The following TXNRD2 variants were observed in gnomAD, a reference collection of about 807,000 sequenced individuals.
The protein encoded by TXNRD2 is thioredoxin reductase 2, mitochondrial.
In TXNRD2, 67 loss-of-function variants were observed where a neutral mutation model predicts 70.8. The observed-to-expected ratio is 0.95, with a 90% CI of 0.78 to 1.16. TXNRD2 has a LOEUF of 1.16. Among genes scored for constraint, TXNRD2 ranks in the 50% most tolerant of loss-of-function variants. The pLI, the probability that TXNRD2 is intolerant of heterozygous loss-of-function variation, is 0.00. For synonymous variants in TXNRD2, 301 were observed against 295.8 expected (o/e 1.02, Z -0.18); for missense variants, 644 against 719.9 (o/e 0.89, Z 1.21).
At chr22:19,918,267 G>A (rs1037545744) in intron 4 of TXNRD2, 50 bp from the exon 5 acceptor site, 8 of 1,485,874 alleles carry the variant, frequency 5.4e-6, no homozygotes, top group South Asian at 2.3e-5. Flanking sequence ...GGTGTTAGCT[G>A]CAGGGCCTCA....
chr22:19,894,714 G>A (rs1939416691), intron 11 of TXNRD2: 2 of 222,820 alleles, frequency 9.0e-6, no homozygotes, highest in South Asian at 1.1e-4. Flanking sequence ...TACTGGCCAG[G>A]TGCGGTGGCT....
chr22:19,910,380 T>C (rs1311449562), intron 8 of TXNRD2, among the ~76,000 whole-genome samples: 2 of 152,156 alleles, frequency 1.3e-5, no homozygotes, highest in East Asian at 1.9e-4. Context: ...GTGAGGGTGT[T>C]AGATGAGGGC....
At chr22:19,932,476 A>G (rs901484952) in intron 1 of TXNRD2, 2 of 1,596,204 alleles carry the variant, frequency 1.3e-6, no homozygotes, top group Admixed American at 1.7e-5. Context: ...AGGGGCAGCC[A>G]AAAAAGGGAG....
intron 10 of TXNRD2, 43 bp downstream of exon 10, chr22:19,897,996 G>C: frequency 6.6e-7 from 1 of 1,509,804 alleles, no homozygotes; most frequent in Middle Eastern, 1.8e-4. Context: ...TGGGAGGAAG[G>C]CCTCAGAGCC....
intron 1 of TXNRD2, among the ~76,000 whole-genome samples, chr22:19,936,677 T>C (rs1033228997): frequency 5.3e-5 from 8 of 152,306 alleles, no homozygotes; most frequent in African/African-American, 1.9e-4. Flanking sequence ...GCCACTCTGG[T>C]TGTGCAGGAC....
At chr22:19,921,013 G>A (rs1418624380) in intron 2 of TXNRD2, among the ~76,000 whole-genome samples, 2 of 146,794 alleles carry the variant, frequency 1.4e-5, no homozygotes, top group East Asian at 1.9e-4. Context: ...AGGCTGAGGC[G>A]GGAGAACGGT....
Position 19,879,802 on chromosome 22 carries a change from C to T in TXNRD2, c.1275+377G>A, listed in dbSNP as rs558374520. Among the ~76,000 whole-genome samples the T allele has an allele frequency of 1.2e-4, 19 of 152,082 alleles. No individual in the cohort carries two copies. In the East Asian group the frequency reaches 2.7e-3, roughly 22 times the overall value. On this transcript the variant is annotated intron_variant, in intron 14 of 17. Coordinates refer to ENST00000400521, the MANE Select transcript of TXNRD2 (RefSeq NM_006440.5). Reference sequence around the variant, plus strand: ...TGCTCAGCTGACCTCAGCAGGGGAGCGGGTGGCACCGTGGTGGTGACCCTG... The same window carrying T: ...TGCTCAGCTGACCTCAGCAGGGGAGTGGGTGGCACCGTGGTGGTGACCCTG...
At chr22:19,906,797 C>T (rs992392141) in intron 8 of TXNRD2, among the ~76,000 whole-genome samples, 1 of 152,084 alleles carries the variant, frequency 6.6e-6, no homozygotes, top group Non-Finnish European at 1.5e-5. Context: ...AGCACAAGCT[C>T]AGCACAGTCT....
chr22:19,911,803 C>T (rs969082154), intron 7 of TXNRD2, among the ~76,000 whole-genome samples: 10 of 152,166 alleles, frequency 6.6e-5, no homozygotes, highest in African/African-American at 1.7e-4. Flanking sequence ...CAAGTCTGCC[C>T]GGGTTCTGGA....
intron 2 of TXNRD2, among the ~76,000 whole-genome samples, chr22:19,928,570 G>A (rs889490137): frequency 3.9e-5 from 6 of 152,186 alleles, no homozygotes; most frequent in Non-Finnish European, 5.9e-5. Flanking sequence ...GCAGAAGTGG[G>A]GGAAGCCGGA....
At chr22:19,911,183 C>G (rs576720035) in intron 8 of TXNRD2, 194 bp downstream of exon 8, 1 of 688,210 alleles carries the variant, frequency 1.5e-6, no homozygotes, top group South Asian at 1.5e-5. Flanking sequence ...GCAATCCTCC[C>G]GCTCAGTCTC....
chr22:19,888,322 C>T (rs1401512460), intron 11 of TXNRD2, among the ~76,000 whole-genome samples: 1 of 152,134 alleles, frequency 6.6e-6, no homozygotes, highest in Non-Finnish European at 1.5e-5. Flanking sequence ...CAGCCTGGCC[C>T]CAAGGAGGGA....
chr22:19,897,735 A>G (rs778023203), intron 10 of TXNRD2, among the ~76,000 whole-genome samples: 6 of 152,158 alleles, frequency 3.9e-5, no homozygotes, highest in Non-Finnish European at 7.4e-5. Flanking sequence ...CCGGCCTCTT[A>G]CTAATGGGAC....
intron 2 of TXNRD2, among the ~76,000 whole-genome samples, chr22:19,929,852 G>A (rs1941292405): frequency 6.6e-6 from 1 of 152,124 alleles, no homozygotes; most frequent in South Asian, 2.1e-4. Flanking sequence ...GATAGGTACA[G>A]TTCATCTCAA....
At chr22:19,910,273 C>T (rs765209715) in intron 8 of TXNRD2, among the ~76,000 whole-genome samples, 1 of 152,248 alleles carries the variant, frequency 6.6e-6, no homozygotes, top group African/African-American at 2.4e-5. Context: ...GCCACTTGCA[C>T]GCTGCTAGCC....
intron 7 of TXNRD2, among the ~76,000 whole-genome samples, chr22:19,913,857 C>T (rs561476904): frequency 8.5e-5 from 13 of 152,276 alleles, no homozygotes; most frequent in Non-Finnish European, 1.3e-4. Context: ...CAGCAAAGAC[C>T]GGGAGAGTTC....
intron 11 of TXNRD2, chr22:19,888,063 A>C (rs1451851962): frequency 6.6e-6 from 1 of 152,264 alleles, no homozygotes; most frequent in Non-Finnish European, 1.5e-5. Context: ...CTCACTTCCT[A>C]TGTATATGTG....
At chr22:19,892,375 C>T (rs1308133842) in intron 11 of TXNRD2, among the ~76,000 whole-genome samples, 1 of 152,378 alleles carries the variant, frequency 6.6e-6, no homozygotes, top group East Asian at 1.9e-4. Flanking sequence ...GCGCAGAAGC[C>T]GCGCCGCCCT....
At chr22:19,909,887 TCACA>T (rs137905263) in intron 8 of TXNRD2, among the ~76,000 whole-genome samples, 3 of 7,654 alleles carry the variant, frequency 3.9e-4, no homozygotes, top group Admixed American at 1.5e-3. Flanking sequence ...CACACACCAC[TCACA>T]CACACACACA....
Sources: gnomAD v4.1 joint callset for allele counts (sites outside exome capture counted in the v4.1 genomes callset) on GRCh38, gnomAD v4.1.1 for gene constraint, MANE v1.5 for transcripts, NCBI Gene and HGNC (gene_info 2026-07-23, HGNC 2026-07-21) for gene names.